The following MRPS15 variants were observed in gnomAD, a reference collection of about 807,000 sequenced individuals.
The protein encoded by MRPS15 is mitochondrial ribosomal protein S15.
In MRPS15, 25 loss-of-function variants were observed where a neutral mutation model predicts 30.7. The observed-to-expected ratio is 0.81, with a 90% CI of 0.59 to 1.14. The LOEUF is 1.14. MRPS15 is among the 50% of genes most tolerant of loss of function. The pLI, the probability that MRPS15 is intolerant of heterozygous loss-of-function variation, is 0.00. For synonymous variants in MRPS15, 124 were observed against 120.1 expected, an observed-to-expected ratio of 1.03 and a Z score of -0.21; for missense variants, 313 against 321.7, an observed-to-expected ratio of 0.97 and a Z score of 0.21.
At chr1:36,463,946 AT>A (rs572814509) in intron 1 of MRPS15, 96 bp from the exon 2 acceptor site, 17 of 1,535,310 alleles carry the variant, frequency 1.1e-5, no homozygotes, top group Non-Finnish European at 1.5e-5. Flanking sequence ...GCCACGGTCT[AT>A]GCGCTTCTGA....
chr1:36,457,431 T>C (rs16823042), intron 6 of MRPS15, among the ~76,000 whole-genome samples: 33,481 of 152,068 alleles, frequency 0.22, 4,042 homozygotes, highest in African/African-American at 0.31. Flanking sequence ...AAAAAAGTCA[T>C]GAGAGTCAAA....
At chr1:36,461,188 G>A (rs888061695) in intron 4 of MRPS15, 76 bp downstream of exon 4, 9 of 1,337,076 alleles carry the variant, frequency 6.7e-6, no homozygotes, top group Non-Finnish European at 8.6e-6. Context: ...CATGAGATGC[G>A]GGGTGCTAAT....
intron 2 of MRPS15, among the ~76,000 whole-genome samples, chr1:36,463,209 T>C (rs6667909): frequency 0.72 from 109,537 of 152,178 alleles, 39,762 homozygotes; most frequent in Middle Eastern, 0.85. Context: ...TCAAGTGATC[T>C]GCCCACCTTG....
In MRPS15 at chr1:36,463,340, T is replaced by C. The variant is rs1029885727; in HGVS notation, c.175+466A>G. ...AGCGTTAAGGGTGCTTTTCGTGTAT[T>C]ATCGCTGAATCCTAACAATCCTTGC... On this transcript the variant is annotated intron_variant, in intron 2 of 7. Coordinates refer to ENST00000373116, the MANE Select transcript of MRPS15 (RefSeq NM_031280.4). Among the ~76,000 whole-genome samples, 125 of 152,362 alleles carry C rather than the reference T, an allele frequency of 8.2e-4. 1 individual carries two copies. The highest frequency in any genetic ancestry group is 3.0e-3 in the African/African-American group (125 of 41,580).
chr1:36,460,644 G>T, intron 5 of MRPS15, 48 bp downstream of exon 5: 2 of 1,415,452 alleles, frequency 1.4e-6, no homozygotes, highest in Non-Finnish European at 2.0e-6. Context: ...TCAGGTCCCA[G>T]CTAGCAGGCT....
In MRPS15 at chr1:36,462,222, C is replaced by A. The variant is rs888275451; in HGVS notation, c.176-59G>T. ...GAGTCAACTCTCGCTGCCCACCCTC[C>A]CAGACCTGGCTCTTTTCACCCACTC... On this transcript the variant is annotated intron_variant, in intron 2 of 7. Transcript: ENST00000373116. 9.1e-6 allele frequency: 12 copies of A among 1,324,162 alleles called. No homozygotes were observed. The African/African-American group carries it at 1.3e-4, about 14-fold the overall frequency. The allele number at this position is 1,324,162 out of a possible 1,614,324, so 82.0% of individuals were successfully genotyped here. A position where few individuals can be genotyped will look rare whatever the true frequency, so the allele number is the denominator to read the frequency against.
Position 36,462,150 on chromosome 1 carries a change from C to T in MRPS15, c.189G>A (p.Leu63=). The T allele has an allele frequency of 5.6e-6, 9 of 1,612,730 alleles. No individual in the cohort carries two copies. Among genetic ancestry groups the T allele is most frequent in the Non-Finnish European group, 6.8e-6 (8 of 1,179,116 alleles). ...GCGTAGAGGGAGGTGGGTCATCATC[C>T]AGCCTAGACTGGGCTGTCAAGTAAA... The part of the protein sequence containing the change: ...YVVRKPAQSR[L]DDDPPPSTLL... Residue 63 remains leucine, a synonymous_variant, in exon 3 of 8, where the codon CTG becomes CTA. Transcript: ENST00000373116.
At position 36,458,470 on chromosome 1, in the gene MRPS15, C is replaced by G. The variant is rs1650037339; in HGVS notation, c.386-489G>C. The G allele has an allele frequency of 6.4e-6, 1 of 156,006 alleles. No individual in the cohort carries two copies. The highest frequency in any genetic ancestry group is 6.3e-5 in the Admixed American group (1 of 15,854). The allele number at this position is 156,006 out of a possible 1,614,324, so 9.7% of individuals were successfully genotyped here. A position where few individuals can be genotyped will look rare whatever the true frequency, so the allele number is the denominator to read the frequency against. ...TCTCAAACTCCTGACCTCAAGTGAT[C>G]CACCTGCCTTGGCCTCCCAAAGTGG... is the stretch of plus-strand genomic sequence containing the variant. On this transcript the variant is annotated intron_variant, in intron 5 of 7. Coordinates refer to ENST00000373116, the MANE Select transcript of MRPS15 (RefSeq NM_031280.4). The surrounding 1 kb of genome is among the most constrained non-coding windows in gnomAD (Gnocchi z 4.5).
chr1:36,463,409 G>C (rs1396352249), intron 2 of MRPS15, among the ~76,000 whole-genome samples: 2 of 152,220 alleles, frequency 1.3e-5, no homozygotes. Context: ...GAATCAGAGA[G>C]AGGAAGTACC....
chr1:36,462,197 G>T, intron 2 of MRPS15, 34 bp from the exon 3 acceptor site: 7 of 1,553,076 alleles, frequency 4.5e-6, no homozygotes, highest in Non-Finnish European at 5.3e-6. Flanking sequence ...AAAACACCCA[G>T]AGTCAACTCT....
chr1:36,460,676 AG>A lies in MRPS15; in HGVS notation c.385+15del, dbSNP rs770646873. ...GGCTTCCCTACACCCCCACTCCCCA[AG>A]GGTCCCCGACCAACTTCGAGCCTCC... On this transcript the variant is annotated intron_variant, in intron 5 of 7. Coordinates refer to ENST00000373116, the MANE Select transcript of MRPS15 (RefSeq NM_031280.4). 7.3e-5 allele frequency: 118 copies of A among 1,610,014 alleles called. No homozygotes were observed. The highest frequency in any genetic ancestry group is 8.8e-5 in the Non-Finnish European group (103 of 1,176,508).
chr1:36,456,788 C>T (rs1650001892), intron 6 of MRPS15, among the ~76,000 whole-genome samples: 1 of 152,230 alleles, frequency 6.6e-6, no homozygotes. Context: ...TGAAGGACCT[C>T]TGCAGTAGGG....
chr1:36,457,058 C>T (rs752173524), intron 6 of MRPS15, among the ~76,000 whole-genome samples: 10 of 152,056 alleles, frequency 6.6e-5, no homozygotes, highest in Non-Finnish European at 1.0e-4. Flanking sequence ...GGGGAGATCA[C>T]GAGGTCAGGA....
intron 4 of MRPS15, 111 bp downstream of exon 4, chr1:36,461,152 TG>T: frequency 2.0e-6 from 2 of 1,003,782 alleles, no homozygotes; most frequent in Non-Finnish European, 3.2e-6. Flanking sequence ...AGAATGACAG[TG>T]GGCTAAGTGC....
intron 1 of MRPS15, 132 bp downstream of exon 1, chr1:36,464,013 CT>C: frequency 1.3e-6 from 2 of 1,510,006 alleles, no homozygotes; most frequent in Non-Finnish European, 1.8e-6. Flanking sequence ...CTTGTTTCAC[CT>C]CTTGCGCAAC....
chr1:36,464,035 T>C, intron 1 of MRPS15, 111 bp downstream of exon 1: 1 of 1,522,854 alleles, frequency 6.6e-7, no homozygotes. Flanking sequence ...CACCGCCCTT[T>C]CCCCCTTATC....
At chr1:36,460,826 G>T in intron 4 of MRPS15, 50 bp from the exon 5 acceptor site, 2 of 1,487,876 alleles carry the variant, frequency 1.3e-6, no homozygotes, top group South Asian at 2.3e-5. Context: ...CACCCTCTAA[G>T]AACTAGCCCT....
At chr1:36,456,619 G>T in intron 6 of MRPS15, 1 of 437,768 alleles carries the variant, frequency 2.3e-6, no homozygotes, top group Non-Finnish European at 4.1e-6. Flanking sequence ...ATAGGGTCTT[G>T]AATCTCTATC....
At position 36,464,299 on chromosome 1, in the gene MRPS15, C is replaced by A. The variant is rs1650168941; in HGVS notation, c.-24G>T. On this transcript the variant is annotated 5_prime_UTR_variant, in exon 1 of 8. Transcript: ENST00000373116. ...ATGGTGACCTCTAACCCCCGCGGGG[C>A]CCGCGCCGCGGCCGCCGTTCGCTTT... The A allele has an allele frequency of 1.3e-6, 2 of 1,594,658 alleles. No individual in the cohort carries two copies. Among genetic ancestry groups the A allele is most frequent in the Non-Finnish European group, 1.7e-6 (2 of 1,171,188 alleles).
Sources: allele counts gnomAD v4.1 joint callset (sites outside exome capture counted in the v4.1 genomes callset), GRCh38; gene constraint gnomAD v4.1.1; non-coding constraint Gnocchi (gnomAD v3.1); transcripts MANE v1.5; gene names NCBI Gene and HGNC (gene_info 2026-07-23, HGNC 2026-07-21).